Variants in FER1L5 observed in about 807,000 individuals in gnomAD.
FER1L5 encodes the protein fer-1-like protein 5.
Under a neutral mutation model 279.9 loss-of-function variants are expected in FER1L5, and 187 were observed. The ratio of observed to expected loss-of-function variants is 0.67; its 90% confidence interval spans 0.59 to 0.75. The LOEUF (loss-of-function observed/expected upper bound fraction) is 0.75, where lower values mean the gene tolerates loss of function less well. FER1L5 is among the 30% of genes least tolerant of loss of function. The pLI is 0.00. For missense variants in FER1L5, 2,091 were observed against 2,594.4 expected (o/e 0.81, Z 4.21); for synonymous variants, 921 against 989.7 (o/e 0.93, Z 1.30).
Position 96,651,952 on chromosome 2 carries a change from A to G in FER1L5, c.565A>G (p.Lys189Glu). ...GGGCAACAACATCAAACCAGTGGTGAAGGTGTCCATCGCAGGCCAGCAGCA... is the reference window on the plus strand; with the variant it reads ...GGGCAACAACATCAAACCAGTGGTGGAGGTGTCCATCGCAGGCCAGCAGCA... Reference protein sequence around the residue: ...LMGNNIKPVVKVSIAGQQHQT... With the variant: ...LMGNNIKPVVEVSIAGQQHQT... The change falls in exon 7 of 53, where the codon AAG becomes GAG. Residue 189 changes from lysine (K) to glutamate (E), a missense_variant. Lys to Glu is a moderately conservative substitution (Grantham distance 56, BLOSUM62 1). Transcript: ENST00000624922. The G allele has an allele frequency of 5.8e-6, 9 of 1,551,994 alleles. No individual in the cohort carries two copies. Among genetic ancestry groups the G allele is most frequent in the Non-Finnish European group, 7.0e-6 (8 of 1,147,044 alleles).
intron 32 of FER1L5, 50 bp downstream of exon 32, chr2:96,693,737 G>T: frequency 6.6e-7 from 1 of 1,520,920 alleles, no homozygotes. Flanking sequence ...CTCACAGAGT[G>T]GCTGAGGGGA....
chr2:96,686,189 C>T lies in FER1L5; in HGVS notation c.2074-6C>T, dbSNP rs960718564. The T allele has an allele frequency of 1.9e-5, 30 of 1,549,478 alleles. No homozygotes were observed. The highest frequency in any genetic ancestry group is 2.7e-5 in the African/African-American group (2 of 73,044). ...CGCAGGGCCTGACATTCTCCCACCTCGGCAGCCCCAGATGGGCCTCCCTGA... is the reference window on the plus strand; with the variant it reads ...CGCAGGGCCTGACATTCTCCCACCTTGGCAGCCCCAGATGGGCCTCCCTGA... On this transcript the variant is annotated splice_region_variant and splice_polypyrimidine_tract_variant and intron_variant, in intron 22 of 52. Coordinates refer to ENST00000624922, the MANE Select transcript of FER1L5 (RefSeq NM_001293083.2).
chr2:96,692,875 G>T (rs2077207389), intron 31 of FER1L5, among the ~76,000 whole-genome samples: 1 of 152,112 alleles, frequency 6.6e-6, no homozygotes, highest in Non-Finnish European at 1.5e-5. Flanking sequence ...ACTTGCTGCT[G>T]CCATGAAAGG....
intron 19 of FER1L5, among the ~76,000 whole-genome samples, chr2:96,681,567 T>C (rs1346976789): frequency 6.6e-6 from 1 of 152,012 alleles, no homozygotes; most frequent in Non-Finnish European, 1.5e-5. Context: ...AAAGATAATT[T>C]GTACATTTGA....
At chr2:96,657,636 C>A (rs984499452) in intron 9 of FER1L5, among the ~76,000 whole-genome samples, 1 of 152,022 alleles carries the variant, frequency 6.6e-6, no homozygotes, top group Admixed American at 6.6e-5. Context: ...ATTATATGAA[C>A]ATTTCTTTCC....
chr2:96,648,417 G>A (rs889512963), intron 4 of FER1L5, among the ~76,000 whole-genome samples: 5 of 152,234 alleles, frequency 3.3e-5, no homozygotes, highest in South Asian at 2.1e-4. Context: ...CCAGGGGAGC[G>A]GGAGAGCTTC....
chr2:96,662,889 G>A (rs2076003935), intron 13 of FER1L5, among the ~76,000 whole-genome samples: 1 of 152,174 alleles, frequency 6.6e-6, no homozygotes, highest in Non-Finnish European at 1.5e-5. Flanking sequence ...GAGTGGTTGG[G>A]TACCCCCAAA....
At position 96,702,710 on chromosome 2, in the gene FER1L5, C is replaced by A. The variant is rs755967439; in HGVS notation, c.5366C>A (p.Ala1789Glu). The change falls in exon 48 of 53, where the codon GCG becomes GAG. Residue 1789 changes from alanine (A) to glutamate (E), a missense_variant. Ala to Glu is a moderately radical substitution (Grantham distance 107). Transcript: ENST00000624922. This position sits in a 1 kb window ranked among gnomAD's most constrained non-coding sequence, Gnocchi z 4.0. The stretch of plus-strand genomic sequence containing the variant: ...TTCATCTTTACCATGGACTACCTGG[C>A]GGCGGAGCGCACGTGTGTCCAGAGC... Reference protein sequence around the residue: ...WRFIFTMDYLAAERTCVQSQK... With the variant: ...WRFIFTMDYLEAERTCVQSQK... 1.9e-6 allele frequency: 3 copies of A among 1,612,814 alleles called. No homozygotes were observed. Among genetic ancestry groups the A allele is most frequent in the Middle Eastern group, 1.6e-4 (1 of 6,084 alleles).
chr2:96,698,857 C>G lies in FER1L5; in HGVS notation c.4518+25C>G. The G allele has an allele frequency of 6.4e-7, 1 of 1,554,504 alleles. No individual in the cohort carries two copies. Among genetic ancestry groups the G allele is most frequent in the Non-Finnish European group, 8.7e-7 (1 of 1,148,728 alleles). ...GGTAAAGAACAGTACCTGCCCCACACAGGTGCCCCGCACGCTCCCCTCAAC... is the reference window on the plus strand; with the variant it reads ...GGTAAAGAACAGTACCTGCCCCACAGAGGTGCCCCGCACGCTCCCCTCAAC... On this transcript the variant is annotated intron_variant, in intron 41 of 52. Coordinates refer to ENST00000624922, the MANE Select transcript of FER1L5 (RefSeq NM_001293083.2). The surrounding 1 kb of genome is among the most constrained non-coding windows in gnomAD (Gnocchi z 5.5).
In FER1L5 at chr2:96,694,617, C is replaced by A; in HGVS notation, c.3741+153C>A. The A allele has an allele frequency of 1.8e-6, 1 of 557,882 alleles. No homozygotes were observed. Among genetic ancestry groups the A allele is most frequent in the Non-Finnish European group, 3.0e-6 (1 of 333,400 alleles). 34.6% of individuals were successfully genotyped at this position (557,882 alleles called of 1,614,324 possible). ...GAGGTGGAGGGAGACAGGAGAGAAA[C>A]GAAGAGGTTCTGGTGTAACACTGGA... On this transcript the variant is annotated intron_variant, in intron 34 of 52. Transcript: ENST00000624922. The surrounding 1 kb of genome is among the most constrained non-coding windows in gnomAD (Gnocchi z 4.6).
chr2:96,652,862 C>T (rs755599954), intron 7 of FER1L5: 1 of 152,330 alleles, frequency 6.6e-6, no homozygotes, highest in Admixed American at 6.5e-5. Context: ...CCATCCTGGG[C>T]AGCTAGCTGG....
At position 96,698,806 on chromosome 2, in the gene FER1L5, C is replaced by T. The variant is rs1312801764; in HGVS notation, c.4492C>T (p.Leu1498=). ...VRVYMVRAIN[L]QPQDYNGLCD... ...GGTGTACATGGTACGAGCCATCAAC[C>T]TGCAGCCCCAGGACTACAATGGCCT... Residue 1498 remains leucine (L), a synonymous_variant, in exon 41 of 53, where the codon CTG becomes TTG. Transcript: ENST00000624922. The surrounding 1 kb of genome is among the most constrained non-coding windows in gnomAD (Gnocchi z 5.5). 6 of 1,564,818 alleles carry T rather than the reference C, an allele frequency of 3.8e-6. No individual in the cohort carries two copies. The highest frequency in any genetic ancestry group is 5.2e-6 in the Non-Finnish European group (6 of 1,154,906).
At position 96,698,647 on chromosome 2, in the gene FER1L5, C is replaced by CCCCCAACA; in HGVS notation, c.4357-20_4357-13dup. ...AGCTGGCCAGCACTGCCAGGCTGGGCCCCCAACACCCTCCCCCCGCCAGGG... is the reference window on the plus strand; with the variant it reads ...AGCTGGCCAGCACTGCCAGGCTGGGCCCCCAACACCCCAACACCCTCCCCCCGCCAGGG... On this transcript the variant is annotated intron_variant, in intron 40 of 52. Transcript: ENST00000624922. This position sits in a 1 kb window ranked among gnomAD's most constrained non-coding sequence, Gnocchi z 5.5. 6.4e-7 allele frequency: 1 copy of CCCCCAACA among 1,563,840 alleles called. No individual in the cohort carries two copies. Among genetic ancestry groups the CCCCCAACA allele is most frequent in the East Asian group, 2.4e-5 (1 of 42,018 alleles).
chr2:96,671,567 GA>G (rs1420806729), intron 18 of FER1L5, among the ~76,000 whole-genome samples: 1 of 152,244 alleles, frequency 6.6e-6, no homozygotes. Context: ...TGTGATGTAA[GA>G]CATCCACATA....
intron 2 of FER1L5, among the ~76,000 whole-genome samples, 185 bp downstream of exon 2, chr2:96,646,638 C>A (rs569231901): frequency 6.6e-6 from 1 of 152,190 alleles, no homozygotes; most frequent in Non-Finnish European, 1.5e-5. Context: ...GAAGGCCACA[C>A]CTGCCCACGA....
At position 96,668,956 on chromosome 2, in the gene FER1L5, G is replaced by A. The variant is rs2076224966; in HGVS notation, c.1255G>A (p.Glu419Lys). 2 of 1,551,608 alleles carry A rather than the reference G, an allele frequency of 1.3e-6. No homozygotes were observed. The highest frequency in any genetic ancestry group is 2.0e-5 in the Admixed American group (1 of 50,986). Residue 419 changes from glutamate (E) to lysine (K), a missense_variant, in exon 16 of 53, where the codon GAA becomes AAA. By Grantham distance (56) the Glu-to-Lys change is moderately conservative. Transcript: ENST00000624922. ...CCTCAACCAGATCTCGTCCACCGGA[G>A]AAGAGATAGAAGGCAAGCAAAGCCT... ...LSLNQISSTG[E>K]EIEGVYSGFL...
intron 26 of FER1L5, 98 bp from the exon 27 acceptor site, chr2:96,690,389 G>T: frequency 9.1e-7 from 1 of 1,102,212 alleles, no homozygotes; most frequent in African/African-American, 1.5e-5. Context: ...AGGCTGCTGC[G>T]GCCACAGCAG....
chr2:96,702,347 A>T lies in FER1L5; in HGVS notation c.5201A>T (p.Asp1734Val). The T allele has an allele frequency of 6.2e-7, 1 of 1,613,198 alleles. No homozygotes were observed. Among genetic ancestry groups the T allele is most frequent in the Non-Finnish European group, 8.5e-7 (1 of 1,179,682 alleles). The change falls in exon 47 of 53, where the codon GAC becomes GTC. Residue 1734 changes from aspartate (D) to valine (V), a missense_variant. Asp to Val is a radical substitution (Grantham distance 152). Coordinates refer to ENST00000624922, the MANE Select transcript of FER1L5 (RefSeq NM_001293083.2). This position sits in a 1 kb window ranked among gnomAD's most constrained non-coding sequence, Gnocchi z 4.0. Reference protein sequence around the residue: ...RCIIWKTANVDLVDDNLSREK... With the variant: ...RCIIWKTANVVLVDDNLSREK... ...ATCATCTGGAAGACTGCCAATGTGG[A>T]CCTGGTGGATGACAATTTAAGTAGA...
chr2:96,674,921 A>G (rs897833184), intron 19 of FER1L5, among the ~76,000 whole-genome samples: 4 of 152,212 alleles, frequency 2.6e-5, no homozygotes, highest in African/African-American at 9.6e-5. Context: ...CTCTTCCCAG[A>G]TTCCTTCACC....
Sources: gnomAD v4.1 joint callset for allele counts (sites outside exome capture counted in the v4.1 genomes callset) on GRCh38, gnomAD v4.1.1 for gene constraint, Gnocchi (gnomAD v3.1) non-coding constraint, MANE v1.5 for transcripts, NCBI Gene and HGNC (gene_info 2026-07-23, HGNC 2026-07-21) for gene names.